The following FILIP1 variants were observed in gnomAD, a reference collection of about 807,000 sequenced individuals.
FILIP1 encodes filamin-A-interacting protein 1.
Under a neutral mutation model 102.1 loss-of-function variants are expected in FILIP1, and 61 were observed. That is an observed-to-expected ratio of 0.60 (90% CI 0.49 to 0.74). The LOEUF (loss-of-function observed/expected upper bound fraction) is 0.74. Among genes scored for constraint, FILIP1 ranks in the 30% least tolerant of loss-of-function variants. FILIP1 has a pLI of 0.00. For synonymous variants in FILIP1, 491 were observed against 526.9 expected (o/e 0.93, Z 0.93); for missense variants, 1,314 against 1,441.2 (o/e 0.91, Z 1.43).
At chr6:75,317,556 T>G (rs1327054410) in intron 4 of FILIP1, among the ~76,000 whole-genome samples, 3 of 152,210 alleles carry the variant, frequency 2.0e-5, no homozygotes, top group African/African-American at 7.2e-5. Flanking sequence ...ATAGTAAAAC[T>G]TGGGGCACTA....
chr6:75,425,075 T>A (rs948308971), intron 1 of FILIP1, among the ~76,000 whole-genome samples: 2 of 152,138 alleles, frequency 1.3e-5, no homozygotes, highest in African/African-American at 4.8e-5. Flanking sequence ...TTAGATTAAA[T>A]CAAAGCATAT....
At chr6:75,305,871 A>G (rs938866225), downstream of FILIP1, among the ~76,000 whole-genome samples, 2 of 149,818 alleles carry the variant, frequency 1.3e-5, no homozygotes, top group Non-Finnish European at 3.0e-5. Flanking sequence ...GTGGGGCCTG[A>G]GCAGCAGCTG....
intron 2 of FILIP1, among the ~76,000 whole-genome samples, chr6:75,379,034 T>C (rs1413961948): frequency 6.6e-6 from 1 of 152,160 alleles, no homozygotes; most frequent in Non-Finnish European, 1.5e-5. Context: ...CCTGAAAAAA[T>C]GCTTTAGAGA....
chr6:75,410,623 TCACTTATGAGTG>T (rs1245380618), intron 2 of FILIP1, among the ~76,000 whole-genome samples: 1 of 152,140 alleles, frequency 6.6e-6, no homozygotes, highest in Non-Finnish European at 1.5e-5. Flanking sequence ...TGTTCAACTC[TCACTTATGAGTG>T]AGAACATGTG....
chr6:75,442,618 G>A (rs1481045737), intron 1 of FILIP1, among the ~76,000 whole-genome samples: 4 of 152,126 alleles, frequency 2.6e-5, no homozygotes, highest in Admixed American at 6.5e-5. Flanking sequence ...GTCAGGTGTG[G>A]CAGCGCGCGC....
intron 4 of FILIP1, among the ~76,000 whole-genome samples, chr6:75,316,494 G>GT (rs572013199): frequency 8.0e-4 from 118 of 147,818 alleles, no homozygotes; most frequent in African/African-American, 2.1e-3. Context: ...ATATTTGTGT[G>GT]TTTTTTTTTT....
intron 2 of FILIP1, among the ~76,000 whole-genome samples, chr6:75,406,832 G>T (rs957342335): frequency 1.3e-5 from 2 of 151,764 alleles, no homozygotes; most frequent in Non-Finnish European, 1.5e-5. Flanking sequence ...GCTAATTTTT[G>T]TATTTTTAGT....
intron 6 of FILIP1, chr6:75,296,508 AT>A (rs2149531079): frequency 6.8e-6 from 1 of 146,476 alleles, no homozygotes; most frequent in Admixed American, 6.8e-5. Flanking sequence ...TATTATTATT[AT>A]TATTATTTTA....
chr6:75,308,034 A>C, downstream of FILIP1: 1 of 985,616 alleles, frequency 1.0e-6, no homozygotes, highest in Non-Finnish European at 1.2e-6. Flanking sequence ...TGGAGGAGCT[A>C]AAACTTCTAC....
chr6:75,356,417 G>A (rs570492784), intron 3 of FILIP1, among the ~76,000 whole-genome samples: 80 of 152,032 alleles, frequency 5.3e-4, no homozygotes, highest in Non-Finnish European at 1.0e-3. Flanking sequence ...TAATATCTGA[G>A]ATCATCAGGA....
At chr6:75,458,176 G>A (rs1311996383) in intron 1 of FILIP1, 2 of 152,132 alleles carry the variant, frequency 1.3e-5, no homozygotes, top group South Asian at 2.1e-4. Context: ...CCTGGGGGAC[G>A]TCTGGCAATA....
chr6:75,451,451 T>C (rs188208833), intron 1 of FILIP1, among the ~76,000 whole-genome samples: 1 of 152,006 alleles, frequency 6.6e-6, no homozygotes, highest in East Asian at 1.9e-4. Context: ...AACATAAAAA[T>C]ATATTTAACC....
In FILIP1 at chr6:75,362,755, G is replaced by T. The variant is rs1775209034; in HGVS notation, c.439C>A (p.Pro147Thr). 1 of 1,612,896 alleles carries T rather than the reference G, an allele frequency of 6.2e-7. No individual in the cohort carries two copies. Among genetic ancestry groups the T allele is most frequent in the Non-Finnish European group, 8.5e-7 (1 of 1,179,830 alleles). The change falls in exon 3 of 6, where the codon CCG becomes ACG. Residue 147 changes from proline to threonine, a missense_variant. Physicochemically the swap from Pro to Thr is conservative, Grantham distance 38. This residue lies in a region of FILIP1 where 494 missense variants were observed against 511.2 expected (regional missense o/e 0.97). Transcript: ENST00000237172. ...TGTCATATTTTTACCTCTGAAATCGGTTTCTCATAGACATCTTCTCCTATG... is the reference window on the plus strand; with the variant it reads ...TGTCATATTTTTACCTCTGAAATCGTTTTCTCATAGACATCTTCTCCTATG... The part of the protein sequence containing the change: ...KSIGEDVYEK[P>T]ISELDRLEEK...
At chr6:75,434,721 T>C (rs1444772375) in intron 1 of FILIP1, among the ~76,000 whole-genome samples, 2 of 152,216 alleles carry the variant, frequency 1.3e-5, no homozygotes, top group East Asian at 3.8e-4. Context: ...TTTCCAACAC[T>C]ATGTTGAATA....
At chr6:75,421,705 G>A (rs1394194321) in intron 1 of FILIP1, among the ~76,000 whole-genome samples, 2 of 152,138 alleles carry the variant, frequency 1.3e-5, no homozygotes, top group South Asian at 4.1e-4. Context: ...ACTGTCTAGC[G>A]TGGTTCTTGA....
intron 1 of FILIP1, among the ~76,000 whole-genome samples, chr6:75,415,342 G>A (rs1463309601): frequency 1.6e-4 from 24 of 151,520 alleles, no homozygotes; most frequent in Admixed American, 4.6e-4. Context: ...GGGCATATGC[G>A]TATTAGCTTT....
rs1482134935 is a variant in FILIP1 at position 75,493,653 on chromosome 6, A to C, written c.-246T>G. The C allele has an allele frequency of 1.3e-5, 2 of 152,220 alleles. No individual in the cohort carries two copies. Among genetic ancestry groups the C allele is most frequent in the African/African-American group, 4.8e-5 (2 of 41,456 alleles). 9.4% of individuals were successfully genotyped at this position (152,220 alleles called of 1,614,324 possible). ...GCAGCTTCTTCTCCCTGAAATCCCGATCAGCAGAAATTGGAAGTTGTTGTA... is the reference window on the plus strand; with the variant it reads ...GCAGCTTCTTCTCCCTGAAATCCCGCTCAGCAGAAATTGGAAGTTGTTGTA... On this transcript the variant is annotated 5_prime_UTR_variant, in exon 1 of 6. Coordinates refer to ENST00000237172, the MANE Select transcript of FILIP1 (RefSeq NM_015687.5).
intron 1 of FILIP1, among the ~76,000 whole-genome samples, chr6:75,439,979 T>A (rs758527852): frequency 6.6e-6 from 1 of 152,234 alleles, no homozygotes; most frequent in Non-Finnish European, 1.5e-5. Flanking sequence ...AATAAAAAAA[T>A]ATGCATTTGC....
chr6:75,446,188 AC>A (rs1449138437), intron 1 of FILIP1, among the ~76,000 whole-genome samples: 1 of 152,174 alleles, frequency 6.6e-6, no homozygotes, highest in Non-Finnish European at 1.5e-5. Context: ...ATTCTTAAAA[AC>A]AAATCCTCTA....
Sources: allele counts gnomAD v4.1 joint callset (sites outside exome capture counted in the v4.1 genomes callset), GRCh38; gene constraint gnomAD v4.1.1; regional missense constraint gnomAD v4.1.1; transcripts MANE v1.5; gene names NCBI Gene and HGNC (gene_info 2026-07-23, HGNC 2026-07-21).